The following SPRR2G variants were observed in gnomAD, a reference collection of about 807,000 sequenced individuals.
SPRR2G encodes the protein small proline-rich protein 2G.
A neutral mutation model predicts 0.7 loss-of-function variants in SPRR2G; 1 was observed. The ratio of observed to expected loss-of-function variants is 1.49; its 90% CI spans 0.53 to 7.06. SPRR2G has a LOEUF of 7.06. Ranked by LOEUF, SPRR2G falls within the 30% of genes most tolerant of loss-of-function variation. The pLI, the probability that SPRR2G is intolerant of heterozygous loss-of-function variation, is 0.14. For synonymous variants in SPRR2G, 38 were observed against 33.9 expected (o/e 1.12, Z -0.42); for missense variants, 96 against 88.5 (o/e 1.09, Z -0.34).
chr1:153,175,414 C>T, the SPRR2G span, among the ~76,000 whole-genome samples: 5 of 152,170 alleles, frequency 3.3e-5, no homozygotes, highest in African/African-American at 4.8e-5. Context: ...GTCCATGCAA[C>T]GCTCCTCTCC....
chr1:153,168,342 C>T, the SPRR2G span, among the ~76,000 whole-genome samples: 7 of 152,204 alleles, frequency 4.6e-5, no homozygotes, highest in African/African-American at 1.7e-4. Flanking sequence ...CTGAATCTTA[C>T]ATCACATAGA....
the SPRR2G span, among the ~76,000 whole-genome samples, chr1:153,157,682 T>A: frequency 1.3e-5 from 2 of 152,060 alleles, no homozygotes; most frequent in African/African-American, 4.8e-5. Context: ...TGGTTTGGGT[T>A]GGGTTTGGGT....
chr1:153,202,115 G>A, the SPRR2G span, among the ~76,000 whole-genome samples: 516 of 152,310 alleles, frequency 3.4e-3, 4 homozygotes, highest in African/African-American at 0.012. Flanking sequence ...CCATTTGTAA[G>A]ATAACAAAAT....
the SPRR2G span, among the ~76,000 whole-genome samples, chr1:153,200,652 C>A: frequency 6.6e-6 from 1 of 151,214 alleles, no homozygotes; most frequent in Admixed American, 6.6e-5. Flanking sequence ...ACCTGGATGG[C>A]TAAGTAAATT....
At chr1:153,165,207 C>T in the SPRR2G span, among the ~76,000 whole-genome samples, 4 of 149,504 alleles carry the variant, frequency 2.7e-5, no homozygotes, top group South Asian at 2.2e-4. Flanking sequence ...GATGGACGGA[C>T]GGATGGATGG....
At chr1:153,189,446 A>G in the SPRR2G span, among the ~76,000 whole-genome samples, 1 of 151,868 alleles carries the variant, frequency 6.6e-6, no homozygotes, top group Non-Finnish European at 1.5e-5. Context: ...CTTATATTTT[A>G]TAGATAATTA....
rs1288336821 is a variant in SPRR2G at position 153,150,021 on chromosome 1, C to T, written c.90G>A (p.Pro30=). 8.7e-6 allele frequency: 14 copies of T among 1,613,644 alleles called. No homozygotes were observed. The highest frequency in any genetic ancestry group is 4.0e-5 in the African/African-American group (3 of 74,966). The change falls in exon 2 of 2, where the codon CCG becomes CCA. Residue 30 remains proline, a synonymous_variant. Transcript: ENST00000368748. ...TPKCPEPCPP[P]KCPEPYLPPP... ...GAGGCAGGTAAGGCTCAGGGCACTT[C>T]GGGGGTGGACATGGCTCTGGGCACT...
chr1:153,163,725 A>C, the SPRR2G span, among the ~76,000 whole-genome samples: 3,356 of 152,122 alleles, frequency 0.022, 111 homozygotes, highest in East Asian at 0.11. Flanking sequence ...CATCCATGTA[A>C]CTTCTGTGCA....
At chr1:153,180,249 G>T in the SPRR2G span, among the ~76,000 whole-genome samples, 2 of 152,126 alleles carry the variant, frequency 1.3e-5, no homozygotes. Context: ...TGGGAAGCAG[G>T]TTCTCAAAAG....
the SPRR2G span, among the ~76,000 whole-genome samples, chr1:153,185,337 G>C: frequency 8.2e-6 from 1 of 122,218 alleles, no homozygotes; most frequent in Non-Finnish European, 1.7e-5. Context: ...TCTGGTCCTG[G>C]GCTTTTTTTT....
the SPRR2G span, among the ~76,000 whole-genome samples, chr1:153,186,933 G>A: frequency 6.6e-6 from 1 of 152,126 alleles, no homozygotes; most frequent in Admixed American, 6.5e-5. Flanking sequence ...GTCTGTAAAG[G>A]ATTTTATTTC....
At chr1:153,193,351 A>G in the SPRR2G span, among the ~76,000 whole-genome samples, 1 of 152,144 alleles carries the variant, frequency 6.6e-6, no homozygotes, top group East Asian at 1.9e-4. Flanking sequence ...CCTCAACATC[A>G]GTGACCACAC....
the SPRR2G span, among the ~76,000 whole-genome samples, chr1:153,162,670 T>C: frequency 4.6e-5 from 7 of 152,300 alleles, no homozygotes; most frequent in Middle Eastern, 3.4e-3. Flanking sequence ...GGACACATCA[T>C]GGACTGGGAA....
chr1:153,150,216 C>T, intron 1 of SPRR2G, 85 bp from the exon 2 acceptor site: 3 of 1,552,930 alleles, frequency 1.9e-6, no homozygotes, highest in Non-Finnish European at 2.6e-6. Context: ...TCTCCAGTAT[C>T]TAGGGACCAA....
At chr1:153,173,724 A>C in the SPRR2G span, among the ~76,000 whole-genome samples, 2 of 152,198 alleles carry the variant, frequency 1.3e-5, 1 homozygote, top group South Asian at 4.1e-4. Context: ...TTGTCACTGG[A>C]GGTGTCAGAG....
At chr1:153,162,909 G>A in the SPRR2G span, among the ~76,000 whole-genome samples, 1 of 152,130 alleles carries the variant, frequency 6.6e-6, no homozygotes, top group Non-Finnish European at 1.5e-5. Flanking sequence ...TACATAATTT[G>A]GGTCAAAGAA....
chr1:153,171,335 A>G, the SPRR2G span, among the ~76,000 whole-genome samples: 1 of 152,204 alleles, frequency 6.6e-6, no homozygotes, highest in Non-Finnish European at 1.5e-5. Context: ...AATTACAGCT[A>G]CTATTGAGCT....
chr1:153,186,225 T>G, the SPRR2G span, among the ~76,000 whole-genome samples: 2 of 152,230 alleles, frequency 1.3e-5, no homozygotes, highest in South Asian at 4.1e-4. Flanking sequence ...AGATGTCTAT[T>G]AGGTCTGCTT....
chr1:153,195,312 C>T, the SPRR2G span, among the ~76,000 whole-genome samples: 11 of 152,234 alleles, frequency 7.2e-5, no homozygotes, highest in African/African-American at 2.4e-5. Context: ...CATAGACCAA[C>T]AATCTGAGAG....
Sources: gnomAD v4.1 joint callset for allele counts (sites outside exome capture counted in the v4.1 genomes callset) on GRCh38, gnomAD v4.1.1 for gene constraint, MANE v1.5 for transcripts, NCBI Gene and HGNC (gene_info 2026-07-23, HGNC 2026-07-21) for gene names.